NCS1: variants seen among roughly 807,000 people sequenced by gnomAD.
The protein encoded by NCS1 is neuronal calcium sensor 1.
In NCS1, 6 loss-of-function variants were observed where a neutral mutation model predicts 28.4. That is an observed-to-expected ratio of 0.21 (90% CI 0.12 to 0.42). The LOEUF is 0.42. Among genes scored for constraint, NCS1 ranks in the 10% least tolerant of loss-of-function variants. NCS1 has a pLI of 1.00. For missense variants in NCS1, 131 were observed against 241.4 expected (o/e 0.54, Z 3.03); for synonymous variants, 86 against 99.3 (o/e 0.87, Z 0.79).
rs782140077 is a variant in NCS1, at chr9:130,180,325, C to T, written c.64+7598C>T. Among the ~76,000 whole-genome samples the T allele has an allele frequency of 3.9e-5, 6 of 152,092 alleles. No homozygotes were observed. Among genetic ancestry groups the T allele is most frequent in the Non-Finnish European group, 8.8e-5 (6 of 68,020 alleles). The stretch of plus-strand genomic sequence containing the variant: ...CTGGGATTACAGGCGTGAGCCACCA[C>T]GCCTGGCCTAGGGATGTCTTGACTT... On this transcript the variant is annotated intron_variant, in intron 1 of 7. Coordinates refer to ENST00000372398, the MANE Select transcript of NCS1 (RefSeq NM_014286.4). The surrounding 1 kb of genome is among the most constrained non-coding windows in gnomAD (Gnocchi z 4.5).
chr9:130,173,199 T>TGGGG lies in NCS1; in HGVS notation c.64+480_64+483dup, dbSNP rs372844368. ...CGCCCCCTCCCTGGCCCCGTTCGTG[T>TGGGG]GGGGGGGGGGGTGGCGAGACTTGGC... On this transcript the variant is annotated intron_variant, in intron 1 of 7. Coordinates refer to ENST00000372398, the MANE Select transcript of NCS1 (RefSeq NM_014286.4). Among the ~76,000 whole-genome samples the TGGGG allele has an allele frequency of 3.9e-4, 47 of 119,806 alleles. 1 individual carries two copies. The highest frequency in any genetic ancestry group is 1.1e-3 in the African/African-American group (32 of 30,002). The allele number at this position is 119,806 out of a possible 152,430, so 78.6% of individuals were successfully genotyped here. A position where few individuals can be genotyped will look rare whatever the true frequency, so the allele number is the denominator to read the frequency against.
intron 2 of NCS1, among the ~76,000 whole-genome samples, chr9:130,211,084 C>G (rs984794021): frequency 3.0e-5 from 4 of 134,548 alleles, no homozygotes; most frequent in African/African-American, 1.1e-4. Context: ...AACTCCTGGG[C>G]TCAGGTGATC....
At chr9:130,227,364 G>T (rs1378939784) in intron 7 of NCS1, among the ~76,000 whole-genome samples, 4 of 152,196 alleles carry the variant, frequency 2.6e-5, no homozygotes, top group Admixed American at 6.5e-5. Flanking sequence ...AGAGATCAGC[G>T]TTCTTGTCCA....
rs1833508586 is a variant in NCS1 at position 130,232,129 on chromosome 9, T to C, written c.*18-861T>C. The stretch of plus-strand genomic sequence containing the variant: ...GTCCGGCTAATTTTTGTATTTTTGG[T>C]AGAGACCGGGTTTCACTGTGTTGGC... On this transcript the variant is annotated intron_variant, in intron 7 of 7. Transcript: ENST00000372398. The surrounding 1 kb of genome is among the most constrained non-coding windows in gnomAD (Gnocchi z 4.4). Among the ~76,000 whole-genome samples the C allele has an allele frequency of 6.6e-6, 1 of 152,130 alleles. No individual in the cohort carries two copies. The highest frequency in any genetic ancestry group is 2.1e-4 in the South Asian group (1 of 4,812).
rs6478954 is a variant in NCS1, at chr9:130,234,368, G to A, written c.*1396G>A. ...ACATGTCTTCACGGAGGCTTCCAGC[G>A]GTGCCTGCCACTGAGGCAGGTGCGG... On this transcript the variant is annotated 3_prime_UTR_variant, in exon 8 of 8. Coordinates refer to ENST00000372398, the MANE Select transcript of NCS1 (RefSeq NM_014286.4). The surrounding 1 kb of genome is among the most constrained non-coding windows in gnomAD (Gnocchi z 6.1). 3 of 152,260 alleles carry A rather than the reference G, an allele frequency of 2.0e-5. No individual in the cohort carries two copies. The highest frequency in any genetic ancestry group is 1.9e-4 in the East Asian group (1 of 5,150). The allele number at this position is 152,260 out of a possible 1,614,324, so 9.4% of individuals were successfully genotyped here. A position where few individuals can be genotyped will look rare whatever the true frequency, so the allele number is the denominator to read the frequency against.
At chr9:130,172,883 C>A (rs1335337538) in intron 1 of NCS1, among the ~76,000 whole-genome samples, 156 bp downstream of exon 1, 1 of 149,470 alleles carries the variant, frequency 6.7e-6, no homozygotes, top group African/African-American at 2.5e-5. Flanking sequence ...CGGAGGTTCC[C>A]GGGCCGCGCC....
At chr9:130,178,888 C>CCCCTCCCCTG (rs1271107909) in intron 1 of NCS1, among the ~76,000 whole-genome samples, 10 of 28,776 alleles carry the variant, frequency 3.5e-4, no homozygotes, top group African/African-American at 4.7e-4. Context: ...TCCCTTCTTT[C>CCCCTCCCCTG]CCCTCCCCTG....
chr9:130,231,026 T>C (rs1833494589), intron 7 of NCS1, among the ~76,000 whole-genome samples: 1 of 152,134 alleles, frequency 6.6e-6, no homozygotes, highest in South Asian at 2.1e-4. Context: ...CAGAATAAAG[T>C]CTACCCATTG....
chr9:130,206,471 C>T (rs1350418596), intron 2 of NCS1, among the ~76,000 whole-genome samples: 2 of 145,534 alleles, frequency 1.4e-5, no homozygotes, highest in African/African-American at 5.1e-5. Flanking sequence ...TGCAGTGGCA[C>T]GATCTCAACT....
chr9:130,195,179 G>A (rs1036266660), intron 1 of NCS1, among the ~76,000 whole-genome samples: 1 of 152,200 alleles, frequency 6.6e-6, no homozygotes, highest in Non-Finnish European at 1.5e-5. Context: ...TCAGAGATGC[G>A]GGGTCACTCA....
intron 1 of NCS1, among the ~76,000 whole-genome samples, chr9:130,197,317 A>T (rs1483223694): frequency 1.5e-4 from 23 of 152,246 alleles, no homozygotes; most frequent in Admixed American, 1.5e-3. Flanking sequence ...GCAGGTAAGT[A>T]AAAGCAAATT....
chr9:130,188,147 C>T (rs553421366), intron 1 of NCS1, among the ~76,000 whole-genome samples: 1 of 152,224 alleles, frequency 6.6e-6, no homozygotes, highest in East Asian at 1.9e-4. Flanking sequence ...CAATTGTTAA[C>T]ATTTTGGGAT....
At chr9:130,182,124 G>A (rs1554905193) in intron 1 of NCS1, among the ~76,000 whole-genome samples, 2 of 152,084 alleles carry the variant, frequency 1.3e-5, no homozygotes, top group African/African-American at 2.4e-5. Context: ...AGTGCTGAGT[G>A]CTGCCCTCTC....
At position 130,224,494 on chromosome 9, in the gene NCS1, G is replaced by C. The variant is rs541057293; in HGVS notation, c.474+1335G>C. 3.3e-4 allele frequency among the ~76,000 whole-genome samples: 49 copies of C among 150,754 alleles called. 1 individual carries two copies. In the South Asian group the frequency reaches 1.0e-2, roughly 31 times the overall value. On this transcript the variant is annotated intron_variant, in intron 6 of 7. Transcript: ENST00000372398. ...AATTGCTTGAACCTGGGAGGCAGAG[G>C]TTGCAGTGAGCCGAGATCACACCAC...
chr9:130,221,206 T>C (rs930367482), intron 4 of NCS1, among the ~76,000 whole-genome samples: 3 of 151,280 alleles, frequency 2.0e-5, no homozygotes, highest in Non-Finnish European at 4.4e-5. Flanking sequence ...GTGTTTTTAG[T>C]AGAAATGGGG....
intron 1 of NCS1, among the ~76,000 whole-genome samples, chr9:130,193,551 G>A (rs1284293483): frequency 1.3e-5 from 2 of 152,082 alleles, no homozygotes; most frequent in African/African-American, 4.8e-5. Flanking sequence ...GGGGACCTGG[G>A]AAGAGGCCCG....
In NCS1 at chr9:130,205,677, G is replaced by GA. The variant is rs797027203; in HGVS notation, c.89+4709dup. On this transcript the variant is annotated intron_variant, in intron 2 of 7. Transcript: ENST00000372398. ...ATAAGGTGATCTCGTCTCTACAAAA[G>GA]AAAAAAAAAAAAAAGCTGGACATGG... is the stretch of plus-strand genomic sequence containing the variant. 5.6e-3 allele frequency among the ~76,000 whole-genome samples: 705 copies of GA among 126,398 alleles called. 1 individual carries two copies. Among genetic ancestry groups the GA allele is most frequent in the African/African-American group, 0.016 (529 of 33,926 alleles). The allele number at this position is 126,398 out of a possible 152,430, so 82.9% of individuals were successfully genotyped here.
intron 2 of NCS1, among the ~76,000 whole-genome samples, chr9:130,205,051 A>C (rs1349384003): frequency 1.3e-5 from 2 of 151,964 alleles, no homozygotes; most frequent in African/African-American, 4.8e-5. Context: ...TGGGCTGAGA[A>C]ATGTCCTGTG....
At chr9:130,176,141 T>TCTTC (rs1491505699) in intron 1 of NCS1, among the ~76,000 whole-genome samples, 2 of 35,042 alleles carry the variant, frequency 5.7e-5, no homozygotes, top group Non-Finnish European at 5.1e-5. Context: ...TTGTTCATTT[T>TCTTC]CTTTCTTTCT....
Sources: gnomAD v4.1 joint callset for allele counts (sites outside exome capture counted in the v4.1 genomes callset) on GRCh38, gnomAD v4.1.1 for gene constraint, Gnocchi (gnomAD v3.1) non-coding constraint, MANE v1.5 for transcripts, NCBI Gene and HGNC (gene_info 2026-07-23, HGNC 2026-07-21) for gene names.